The following KLHL20 variants were observed in gnomAD, a reference collection of about 807,000 sequenced individuals.
KLHL20 encodes the protein kelch like family member 20.
A neutral mutation model predicts 69.5 loss-of-function variants in KLHL20; 29 were observed. That is an observed-to-expected ratio of 0.42 (90% CI 0.31 to 0.57). The LOEUF (loss-of-function observed/expected upper bound fraction) is 0.57, where lower values mean the gene tolerates loss of function less well. KLHL20 is among the 20% of genes least tolerant of loss of function. The pLI is 0.18. For synonymous variants in KLHL20, 253 were observed against 265.2 expected (o/e 0.95, Z 0.45); for missense variants, 419 against 776.0 (o/e 0.54, Z 5.47).
chr1:173,756,170 C>T lies in KLHL20; in HGVS notation c.967+132C>T, dbSNP rs753713156. 10 of 643,416 alleles carry T rather than the reference C, an allele frequency of 1.6e-5. No individual in the cohort carries two copies. The Admixed American group carries it at 2.8e-4, about 18-fold the overall frequency. The allele number at this position is 643,416 out of a possible 1,614,324, so 39.9% of individuals were successfully genotyped here. On this transcript the variant is annotated intron_variant, in intron 6 of 11. Coordinates refer to ENST00000209884, the MANE Select transcript of KLHL20 (RefSeq NM_014458.4). ...AATAATAAGTCAGCATATAGCTTGA[C>T]TCATAACCCATGATTCCACACTGAT... is the stretch of plus-strand genomic sequence containing the variant.
chr1:173,718,075 T>C (rs1460960284), intron 2 of KLHL20, among the ~76,000 whole-genome samples: 4 of 152,110 alleles, frequency 2.6e-5, no homozygotes. Context: ...GTATATAAGA[T>C]GTCTTCTCTT....
intron 2 of KLHL20, among the ~76,000 whole-genome samples, chr1:173,720,084 T>C (rs1042160541): frequency 1.3e-5 from 2 of 152,190 alleles, no homozygotes; most frequent in Admixed American, 1.3e-4. Context: ...ACTGTGCCAC[T>C]GCACTCCAGC....
Position 173,767,298 on chromosome 1 carries a change from G to A in KLHL20, c.1295+1009G>A, listed in dbSNP as rs569984538. ...TTTCTGTATCCATTCATCTGTTGAG[G>A]TACATTTAGCTTAACTTCATATCTG... is the stretch of plus-strand genomic sequence containing the variant. On this transcript the variant is annotated intron_variant, in intron 8 of 11. Transcript: ENST00000209884. Among the ~76,000 whole-genome samples, 17 of 152,176 alleles carry A rather than the reference G, an allele frequency of 1.1e-4. No individual in the cohort carries two copies. The East Asian group carries it at 3.3e-3, about 29-fold the overall frequency.
intron 2 of KLHL20, among the ~76,000 whole-genome samples, chr1:173,725,003 A>G (rs549740365): frequency 1.3e-5 from 2 of 152,154 alleles, no homozygotes; most frequent in South Asian, 4.2e-4. Flanking sequence ...AATGCATTTT[A>G]TAGGCTTCTT....
intron 7 of KLHL20, among the ~76,000 whole-genome samples, chr1:173,763,985 C>T (rs1380506255): frequency 6.6e-6 from 1 of 151,744 alleles, no homozygotes; most frequent in Non-Finnish European, 1.5e-5. Context: ...TCACAATCTA[C>T]ATCTGACAAC....
intron 7 of KLHL20, among the ~76,000 whole-genome samples, chr1:173,760,470 A>G (rs1673751408): frequency 6.6e-6 from 1 of 152,218 alleles, no homozygotes. Context: ...ATGAGACAGA[A>G]GCACAGGGTA....
Position 173,734,029 on chromosome 1 carries a change from A to G in KLHL20, c.340A>G (p.Ile114Val). 1 of 1,614,172 alleles carries G rather than the reference A, an allele frequency of 6.2e-7. No homozygotes were observed. The highest frequency in any genetic ancestry group is 8.5e-7 in the Non-Finnish European group (1 of 1,180,022). Residue 114 changes from isoleucine to valine, a missense_variant, in exon 3 of 12, where the codon ATT becomes GTT. Physicochemically the swap from Ile to Val is conservative, Grantham distance 29. This residue lies in a region of KLHL20 where 129 missense variants were observed against 183.6 expected (regional missense o/e 0.70). Transcript: ENST00000209884. ...TCAGACAGAAGTAGTGATCCGAGACATTGACGAGAGGGCTATGGAATTACT... is the reference window on the plus strand; with the variant it reads ...TCAGACAGAAGTAGTGATCCGAGACGTTGACGAGAGGGCTATGGAATTACT... Reference protein sequence around the residue: ...SRQTEVVIRDIDERAMELLID... With the variant: ...SRQTEVVIRDVDERAMELLID...
Position 173,753,213 on chromosome 1 carries a change from G to A in KLHL20, c.757G>A (p.Val253Met). The change falls in exon 5 of 12, where the codon GTG (valine) becomes ATG (methionine). Residue 253 changes from valine (V) to methionine (M), a missense_variant and splice_region_variant. Physicochemically the swap from Val to Met is conservative, Grantham distance 21. Transcript: ENST00000209884. ...IQERRPQLPQ[V>M]LQHVRLPLLS... ...AATAATGGTGTTTATTTTCTCATAG[G>A]TGCTGCAGCATGTTCGTTTGCCTTT... 1 of 1,612,236 alleles carries A rather than the reference G, an allele frequency of 6.2e-7. No individual in the cohort carries two copies. Among genetic ancestry groups the A allele is most frequent in the Non-Finnish European group, 8.5e-7 (1 of 1,178,510 alleles).
In KLHL20 at chr1:173,733,781, A is replaced by G. The variant is rs1281592863; in HGVS notation, c.92A>G (p.Asn31Ser). 2.5e-6 allele frequency: 4 copies of G among 1,614,018 alleles called. No individual in the cohort carries two copies. In the East Asian group the frequency reaches 8.9e-5, roughly 36 times the overall value. ...VTSRCTLGDP[N>S]KLPEGVPQPA... ...AGCCGCTGCACCCTTGGAGACCCCAACAAACTGCCAGAAGGGGTTCCCCAA... is the reference window on the plus strand; with the variant it reads ...AGCCGCTGCACCCTTGGAGACCCCAGCAAACTGCCAGAAGGGGTTCCCCAA... The change falls in exon 3 of 12, where the codon AAC (asparagine) becomes AGC (serine). Residue 31 changes from asparagine to serine, a missense_variant. Physicochemically the swap from Asn to Ser is conservative, Grantham distance 46 (BLOSUM62 1). Around this residue, in one of 6 missense-constraint regions of KLHL20, gnomAD observed 129 missense variants for 183.6 expected, o/e 0.70. Transcript: ENST00000209884.
intron 3 of KLHL20, among the ~76,000 whole-genome samples, chr1:173,735,903 A>G (rs548071204): frequency 6.8e-6 from 1 of 147,214 alleles, no homozygotes; most frequent in South Asian, 2.2e-4. Flanking sequence ...TCTCCAACCA[A>G]CTCCATCCAG....
At chr1:173,742,063 G>A (rs1005029872) in intron 3 of KLHL20, 1 of 413,680 alleles carries the variant, frequency 2.4e-6, no homozygotes, top group East Asian at 3.7e-5. Flanking sequence ...AACACAAACC[G>A]ATGACCTAAC....
At chr1:173,778,878 G>C (rs1352227143) in intron 10 of KLHL20, among the ~76,000 whole-genome samples, 4 of 151,504 alleles carry the variant, frequency 2.6e-5, no homozygotes, top group African/African-American at 9.7e-5. Flanking sequence ...CTAAAGGTTT[G>C]TTGATTTTGT....
intron 3 of KLHL20, among the ~76,000 whole-genome samples, chr1:173,743,896 TTCAA>T (rs906710201): frequency 2.4e-4 from 37 of 152,148 alleles, no homozygotes; most frequent in Admixed American, 1.8e-3. Context: ...CCACTGTTGG[TTCAA>T]TCAGTCTCCA....
chr1:173,762,194 G>A (rs1647352853), intron 7 of KLHL20, among the ~76,000 whole-genome samples: 1 of 151,936 alleles, frequency 6.6e-6, no homozygotes, highest in East Asian at 1.9e-4. Flanking sequence ...ACCCTGAACA[G>A]ACCAATAACA....
At chr1:173,782,326 C>A in intron 11 of KLHL20, 96 bp downstream of exon 11, 1 of 842,850 alleles carries the variant, frequency 1.2e-6, no homozygotes, top group South Asian at 1.6e-5. Context: ...ATGGTCAGTA[C>A]ATTGGAGTAC....
chr1:173,783,137 T>C lies in KLHL20; in HGVS notation c.1745+907T>C, dbSNP rs538395243. ...CTGTACTTAATTCTAAATACTAGTC[T>C]TCTAAGAAAACAGTTTTGCCTTCCA... On this transcript the variant is annotated intron_variant, in intron 11 of 11. Transcript: ENST00000209884. Among the ~76,000 whole-genome samples the C allele has an allele frequency of 1.2e-4, 19 of 152,368 alleles. No homozygotes were observed. In the South Asian group the frequency reaches 3.9e-3, roughly 32 times the overall value.
chr1:173,778,412 T>G lies in KLHL20; in HGVS notation c.1638+2570T>G, dbSNP rs150864580. On this transcript the variant is annotated intron_variant, in intron 10 of 11. Transcript: ENST00000209884. Reference sequence around the variant, plus strand: ...GATACAATGTCGGCTCATTGCATCCTCCACCTCCCAGGCTCAAGCCTTCCT... The same window carrying G: ...GATACAATGTCGGCTCATTGCATCCGCCACCTCCCAGGCTCAAGCCTTCCT... Among the ~76,000 whole-genome samples, 45 of 152,278 alleles carry G rather than the reference T, an allele frequency of 3.0e-4. 1 individual carries two copies. The East Asian group carries it at 8.3e-3, about 28-fold the overall frequency.
At chr1:173,760,701 AG>A (rs1476962894) in intron 7 of KLHL20, among the ~76,000 whole-genome samples, 1 of 152,064 alleles carries the variant, frequency 6.6e-6, no homozygotes, top group East Asian at 1.9e-4. Context: ...CACCACTACA[AG>A]AACTTCTAAA....
chr1:173,775,612 C>T, intron 9 of KLHL20, 22 bp from the exon 10 acceptor site: 2 of 1,602,112 alleles, frequency 1.2e-6, no homozygotes, highest in Non-Finnish European at 1.7e-6. Context: ...TGCTCACTTA[C>T]TGGTTTTTCT....
Sources: gnomAD v4.1 joint callset for allele counts (sites outside exome capture counted in the v4.1 genomes callset) on GRCh38, gnomAD v4.1.1 for gene constraint, gnomAD v4.1.1 regional missense constraint, MANE v1.5 for transcripts, NCBI Gene and HGNC (gene_info 2026-07-23, HGNC 2026-07-21) for gene names.